KLF12: variants seen among roughly 807,000 people sequenced by gnomAD.
KLF12 encodes KLF transcription factor 12.
KLF12 carries 9 observed loss-of-function variants against 37.8 expected under a neutral mutation model. The observed-to-expected ratio is 0.24, with a 90% CI of 0.14 to 0.42. KLF12 has a LOEUF of 0.42. Ranked by LOEUF, KLF12 falls within the 10% of genes least tolerant of loss-of-function variation. The probability of loss-of-function intolerance (pLI) is 1.00; values close to 1 mark genes in which losing one functional copy is unlikely to be tolerated. For synonymous variants in KLF12, 208 were observed against 202.1 expected (o/e 1.03, Z -0.25); for missense variants, 411 against 516.0 (o/e 0.80, Z 1.97).
intron 5 of KLF12, among the ~76,000 whole-genome samples, chr13:73,775,082 T>G (rs1260175671): frequency 6.6e-6 from 1 of 152,100 alleles, no homozygotes; most frequent in East Asian, 1.9e-4. Flanking sequence ...CATGCCTGGC[T>G]AATTTTTGTA....
chr13:73,826,742 G>T (rs1278332707), intron 4 of KLF12, among the ~76,000 whole-genome samples: 1 of 150,190 alleles, frequency 6.7e-6, no homozygotes, highest in Non-Finnish European at 1.5e-5. Context: ...TTTTTAAAAT[G>T]GCATATAACA....
chr13:73,809,290 T>C (rs1882805723), intron 5 of KLF12, among the ~76,000 whole-genome samples: 1 of 145,398 alleles, frequency 6.9e-6, no homozygotes. Context: ...TTATTGATCA[T>C]ATTACAATGA....
At chr13:74,162,165 G>A in the KLF12 span, among the ~76,000 whole-genome samples, 1 of 152,206 alleles carries the variant, frequency 6.6e-6, no homozygotes, top group Non-Finnish European at 1.5e-5. Flanking sequence ...TGGAGTTGCA[G>A]CAAAGTTAGG....
chr13:73,924,713 G>A (rs1889294377), intron 3 of KLF12, among the ~76,000 whole-genome samples: 1 of 152,186 alleles, frequency 6.6e-6, no homozygotes, highest in African/African-American at 2.4e-5. Flanking sequence ...ACTAAGTTTG[G>A]TGAGAAAGGC....
chr13:73,835,622 G>A (rs1184969696), intron 4 of KLF12, among the ~76,000 whole-genome samples: 1 of 152,112 alleles, frequency 6.6e-6, no homozygotes, highest in African/African-American at 2.4e-5. Flanking sequence ...TGAAAGCAAG[G>A]AGAGATGCAG....
intron 1 of KLF12, among the ~76,000 whole-genome samples, chr13:74,053,259 T>C (rs1873030690): frequency 6.6e-6 from 1 of 152,208 alleles, no homozygotes; most frequent in Non-Finnish European, 1.5e-5. Flanking sequence ...AAACTGACTA[T>C]ATCCTACACA....
chr13:73,927,528 A>G (rs1347472732), intron 3 of KLF12, among the ~76,000 whole-genome samples: 1 of 152,096 alleles, frequency 6.6e-6, no homozygotes, highest in Non-Finnish European at 1.5e-5. Context: ...TTCCACCTCT[A>G]ACATTAGGCC....
At chr13:74,208,326 G>A in the KLF12 span, among the ~76,000 whole-genome samples, 1 of 152,112 alleles carries the variant, frequency 6.6e-6, no homozygotes. Flanking sequence ...ATAAACACAG[G>A]CATTCAGAAT....
At chr13:73,751,617 T>C (rs1878759987) in intron 6 of KLF12, among the ~76,000 whole-genome samples, 2 of 152,182 alleles carry the variant, frequency 1.3e-5, no homozygotes, top group South Asian at 4.1e-4. Flanking sequence ...CCATGAGGTT[T>C]CTAGCTTGGG....
At chr13:73,960,097 A>G (rs1890972526) in intron 2 of KLF12, among the ~76,000 whole-genome samples, 1 of 152,180 alleles carries the variant, frequency 6.6e-6, no homozygotes, top group South Asian at 2.1e-4. Context: ...TGAACAATCG[A>G]CCTGCTTCCA....
the KLF12 span, among the ~76,000 whole-genome samples, chr13:74,187,234 C>G: frequency 1.3e-4 from 20 of 151,674 alleles, no homozygotes; most frequent in Non-Finnish European, 2.5e-4. Flanking sequence ...AGAGGTGAGA[C>G]GATCACTCGA....
At chr13:74,018,134 A>G (rs1454709196) in intron 1 of KLF12, among the ~76,000 whole-genome samples, 1 of 152,122 alleles carries the variant, frequency 6.6e-6, no homozygotes, top group Non-Finnish European at 1.5e-5. Context: ...AGCCATAATA[A>G]AGAGGGAAAT....
At chr13:74,003,459 G>A (rs566977586) in intron 1 of KLF12, among the ~76,000 whole-genome samples, 3 of 152,294 alleles carry the variant, frequency 2.0e-5, no homozygotes, top group African/African-American at 7.2e-5. Context: ...CTGTTGATAT[G>A]AAAGGGGGAT....
At chr13:73,941,282 C>T (rs746950937) in intron 3 of KLF12, among the ~76,000 whole-genome samples, 6 of 152,104 alleles carry the variant, frequency 3.9e-5, no homozygotes, top group Non-Finnish European at 7.4e-5. Context: ...ATCAGCTGGG[C>T]ATGGTGGCAC....
In KLF12 at chr13:73,687,469, A is replaced by C. The variant is rs561299169; in HGVS notation, c.*8021T>G. The C allele has an allele frequency of 3.3e-5, 5 of 152,238 alleles. No homozygotes were observed. The highest frequency in any genetic ancestry group is 7.3e-5 in the Non-Finnish European group (5 of 68,036). 9.4% of individuals were successfully genotyped at this position (152,238 alleles called of 1,614,324 possible). ...CAACAATATCCATCCAATGTAATAA[A>C]GTTTGAGGAACAAAATATACACTAT... On this transcript the variant is annotated 3_prime_UTR_variant, in exon 8 of 8. Transcript: ENST00000377669.
At chr13:73,897,684 T>C (rs1302890713) in intron 3 of KLF12, among the ~76,000 whole-genome samples, 1 of 152,240 alleles carries the variant, frequency 6.6e-6, no homozygotes, top group African/African-American at 2.4e-5. Context: ...CACCATCATA[T>C]ATCACACCTG....
Position 73,959,929 on chromosome 13 carries a change from C to T in KLF12, c.34-15859G>A, listed in dbSNP as rs118124459. 5.9e-5 allele frequency among the ~76,000 whole-genome samples: 9 copies of T among 152,182 alleles called. No homozygotes were observed. The East Asian group carries it at 1.7e-3, about 29-fold the overall frequency. On this transcript the variant is annotated intron_variant, in intron 2 of 7. Coordinates refer to ENST00000377669, the MANE Select transcript of KLF12 (RefSeq NM_007249.5). ...TTGCGGGATCAACAGCCTCAAATAC[C>T]GCAAAATGCAAGCTTTTTTTGTTTT...
intron 6 of KLF12, among the ~76,000 whole-genome samples, chr13:73,721,331 G>GA (rs200422846): frequency 0.017 from 2,601 of 152,162 alleles, 68 homozygotes; most frequent in African/African-American, 0.06. Flanking sequence ...GATAGAAGGG[G>GA]AAAAAGCAAC....
At chr13:74,302,072 T>C in the KLF12 span, among the ~76,000 whole-genome samples, 1 of 152,140 alleles carries the variant, frequency 6.6e-6, no homozygotes, top group Non-Finnish European at 1.5e-5. Flanking sequence ...TTAAATGAAA[T>C]CTTAGCCTTT....
Sources: allele counts gnomAD v4.1 joint callset (sites outside exome capture counted in the v4.1 genomes callset), GRCh38; gene constraint gnomAD v4.1.1; transcripts MANE v1.5; gene names NCBI Gene and HGNC (gene_info 2026-07-23, HGNC 2026-07-21).